The following RALYL variants were observed in gnomAD, a reference collection of about 807,000 sequenced individuals.
RALYL encodes RALY RNA binding protein like.
Under a neutral mutation model 35.1 loss-of-function variants are expected in RALYL, and 29 were observed. The ratio of observed to expected loss-of-function variants is 0.83; its 90% CI spans 0.61 to 1.13. The LOEUF is 1.13. Among genes scored for constraint, RALYL ranks in the 50% most tolerant of loss-of-function variants. The probability of loss-of-function intolerance (pLI) is 0.00; values close to 1 mark genes in which losing one functional copy is unlikely to be tolerated. For missense variants in RALYL, 359 were observed against 360.4 expected (o/e 1.00, Z 0.03); for synonymous variants, 120 against 127.6 (o/e 0.94, Z 0.40).
chr8:84,700,389 G>A lies in RALYL; in HGVS notation c.257-74190G>A, dbSNP rs543463064. Among the ~76,000 whole-genome samples, 47 of 152,016 alleles carry A rather than the reference G, an allele frequency of 3.1e-4. 1 individual carries two copies. In the South Asian group the frequency reaches 9.2e-3, roughly 30 times the overall value. On this transcript the variant is annotated intron_variant, in intron 2 of 8. Coordinates refer to ENST00000521268, the MANE Select transcript of RALYL (RefSeq NM_173848.7). The stretch of plus-strand genomic sequence containing the variant: ...GAAACTGGACAAAGTCCAAAGAAAT[G>A]AATAAAGGCTTAATAATAAAACCCA...
At chr8:84,601,121 C>T (rs1248525781) in intron 2 of RALYL, among the ~76,000 whole-genome samples, 1 of 152,048 alleles carries the variant, frequency 6.6e-6, no homozygotes, top group Non-Finnish European at 1.5e-5. Flanking sequence ...ATTTAATATG[C>T]ACAAATAGCA....
At chr8:84,288,632 C>T (rs1838153591) in intron 1 of RALYL, among the ~76,000 whole-genome samples, 1 of 151,354 alleles carries the variant, frequency 6.6e-6, no homozygotes, top group African/African-American at 2.4e-5. Context: ...AATAATAATT[C>T]ACTAACAGAT....
At chr8:84,463,929 T>C (rs1359694493) in intron 1 of RALYL, among the ~76,000 whole-genome samples, 2 of 152,036 alleles carry the variant, frequency 1.3e-5, no homozygotes, top group African/African-American at 4.8e-5. Context: ...ACTGGTCTGC[T>C]TTGTATCCCT....
chr8:84,667,719 C>G (rs935344957), intron 2 of RALYL, among the ~76,000 whole-genome samples: 12 of 152,022 alleles, frequency 7.9e-5, no homozygotes, highest in Admixed American at 5.3e-4. Context: ...TTAGACTTGA[C>G]CCCGGTCATC....
chr8:84,766,762 G>C lies in RALYL; in HGVS notation c.257-7817G>C, dbSNP rs1475708740. ...AAAAAAAAAAAACTCCCAAAACATTGTTCTGATAAACACCATTTTATAAAA... is the reference window on the plus strand; with the variant it reads ...AAAAAAAAAAAACTCCCAAAACATTCTTCTGATAAACACCATTTTATAAAA... On this transcript the variant is annotated intron_variant, in intron 2 of 8. Transcript: ENST00000521268. Among the ~76,000 whole-genome samples, 3 of 127,544 alleles carry C rather than the reference G, an allele frequency of 2.4e-5. No homozygotes were observed. In the Admixed American group the frequency reaches 2.4e-4, roughly 10 times the overall value. The allele number at this position is 127,544 out of a possible 152,430, so 83.7% of individuals were successfully genotyped here.
chr8:84,428,048 T>C (rs1158952755), intron 1 of RALYL, among the ~76,000 whole-genome samples: 5 of 151,790 alleles, frequency 3.3e-5, no homozygotes, highest in Non-Finnish European at 7.4e-5. Context: ...CAAGGTCTTA[T>C]TGATCCGGCT....
In RALYL at chr8:84,663,729, A is replaced by T. The variant is rs527266186; in HGVS notation, c.257-110850A>T. Among the ~76,000 whole-genome samples, 122 of 152,090 alleles carry T rather than the reference A, an allele frequency of 8.0e-4. 1 individual carries two copies. The South Asian group carries it at 0.024, about 29-fold the overall frequency. ...ACACTGGATATTAGACCTTTGTCTG[A>T]TGGGTAGATTGCAAAAATGGTCTCC... On this transcript the variant is annotated intron_variant, in intron 2 of 8. Coordinates refer to ENST00000521268, the MANE Select transcript of RALYL (RefSeq NM_173848.7).
rs185956897 is a variant in RALYL, at chr8:84,895,247, A to G, written c.858+7471A>G. Among the ~76,000 whole-genome samples the G allele has an allele frequency of 1.3e-3, 200 of 152,046 alleles. 1 individual carries two copies. The highest frequency in any genetic ancestry group is 4.1e-3 in the Admixed American group (62 of 15,256). On this transcript the variant is annotated intron_variant, in intron 8 of 8. Transcript: ENST00000521268. ...ATATTGAAGGCATAAAGAAATCAGT[A>G]CCATTATTTGGATGGAGTTAGGGAT...
intron 1 of RALYL, among the ~76,000 whole-genome samples, chr8:84,305,328 C>T (rs113025597): frequency 0.027 from 4,157 of 152,148 alleles, 102 homozygotes; most frequent in Non-Finnish European, 0.029. Flanking sequence ...TTTAATCATT[C>T]GTCTAGTAAT....
intron 2 of RALYL, among the ~76,000 whole-genome samples, chr8:84,636,959 TCTG>T (rs1299211074): frequency 6.6e-6 from 1 of 151,940 alleles, no homozygotes; most frequent in Non-Finnish European, 1.5e-5. Context: ...TTCTAACTAT[TCTG>T]CTGTGGCTGG....
chr8:84,422,820 C>T, intron 1 of RALYL, among the ~76,000 whole-genome samples: 1 of 146,176 alleles, frequency 6.8e-6, no homozygotes, highest in African/African-American at 2.6e-5. Flanking sequence ...AGTAGTCATT[C>T]AGGAGCAGGT....
At chr8:84,362,724 C>G (rs550735735) in intron 1 of RALYL, among the ~76,000 whole-genome samples, 9 of 152,200 alleles carry the variant, frequency 5.9e-5, no homozygotes, top group East Asian at 3.9e-4. Context: ...TTCAGGAAAC[C>G]AGTCCCTGGT....
chr8:84,598,996 G>A (rs1815258961), intron 2 of RALYL, among the ~76,000 whole-genome samples: 1 of 152,048 alleles, frequency 6.6e-6, no homozygotes, highest in Admixed American at 6.6e-5. Context: ...TTTCATTGTG[G>A]TTTTGATTTG....
intron 1 of RALYL, among the ~76,000 whole-genome samples, chr8:84,491,717 T>A (rs1320918702): frequency 6.6e-6 from 1 of 152,030 alleles, no homozygotes; most frequent in Non-Finnish European, 1.5e-5. Flanking sequence ...TTAAAATGAA[T>A]TTGGATTTCT....
intron 1 of RALYL, among the ~76,000 whole-genome samples, chr8:84,188,058 T>A (rs927346063): frequency 3.3e-5 from 5 of 152,116 alleles, no homozygotes; most frequent in Non-Finnish European, 1.5e-5. Flanking sequence ...TTGATTTTTC[T>A]CTCTGACTTT....
At chr8:84,797,752 C>T (rs1048555741) in intron 3 of RALYL, among the ~76,000 whole-genome samples, 3 of 152,162 alleles carry the variant, frequency 2.0e-5, no homozygotes, top group Non-Finnish European at 2.9e-5. Context: ...GCCTGTAAAT[C>T]GACTTTAGTG....
At chr8:84,881,958 C>G (rs1434221207) in intron 7 of RALYL, among the ~76,000 whole-genome samples, 1 of 151,926 alleles carries the variant, frequency 6.6e-6, no homozygotes, top group Admixed American at 6.6e-5. Context: ...GCACTTATTA[C>G]TGTGTGACCA....
At chr8:84,315,568 G>A (rs1843601893) in intron 1 of RALYL, among the ~76,000 whole-genome samples, 1 of 152,024 alleles carries the variant, frequency 6.6e-6, no homozygotes, top group South Asian at 2.1e-4. Flanking sequence ...CCTGAATTTT[G>A]AACCATTCAC....
chr8:84,809,153 G>T (rs1208552402), intron 4 of RALYL, among the ~76,000 whole-genome samples: 5 of 151,712 alleles, frequency 3.3e-5, no homozygotes, highest in African/African-American at 1.2e-4. Context: ...TTCATAGATG[G>T]CTTTTATTAC....
Sources: gnomAD v4.1 joint callset for allele counts (sites outside exome capture counted in the v4.1 genomes callset) on GRCh38, gnomAD v4.1.1 for gene constraint, MANE v1.5 for transcripts, NCBI Gene and HGNC (gene_info 2026-07-23, HGNC 2026-07-21) for gene names.